The following SMIM18 variants were observed in gnomAD, a reference collection of about 807,000 sequenced individuals.
The protein encoded by SMIM18 is small integral membrane protein 18.
Under a neutral mutation model 5.9 loss-of-function variants are expected in SMIM18, and 4 were observed. The observed-to-expected ratio is 0.68, with a 90% CI of 0.33 to 1.56. The LOEUF (loss-of-function observed/expected upper bound fraction) is 1.56. Among genes scored for constraint, SMIM18 ranks in the 40% most tolerant of loss-of-function variants. SMIM18 has a pLI of 0.06. For missense variants in SMIM18, 89 were observed against 109.7 expected (o/e 0.81, Z 0.84); for synonymous variants, 37 against 37.4 (o/e 0.99, Z 0.04).
At chr8:30,639,635 T>C (rs1425554097) in intron 1 of SMIM18, among the ~76,000 whole-genome samples, 1 of 152,202 alleles carries the variant, frequency 6.6e-6, no homozygotes, top group Admixed American at 6.5e-5. Flanking sequence ...TCTAATTTTA[T>C]ACTATTCAAG....
In SMIM18 at chr8:30,644,587, C is replaced by G. The variant is rs990336503; in HGVS notation, c.-30+15C>G. ...GAACCAAAAAGGTAAGAAGAATCCA[C>G]AAGGCTAATGATAAAAGCTTTTCCA... On this transcript the variant is annotated intron_variant, in intron 2 of 2. Transcript: ENST00000517349. 6.6e-6 allele frequency: 1 copy of G among 152,134 alleles called. No homozygotes were observed. Among genetic ancestry groups the G allele is most frequent in the African/African-American group, 2.4e-5 (1 of 41,434 alleles). 9.4% of individuals were successfully genotyped at this position (152,134 alleles called of 1,614,324 possible). A position where few individuals can be genotyped will look rare whatever the true frequency, so the allele number is the denominator to read the frequency against.
chr8:30,640,815 CT>C (rs1385514880), intron 1 of SMIM18, among the ~76,000 whole-genome samples: 2 of 152,144 alleles, frequency 1.3e-5, no homozygotes, highest in Non-Finnish European at 2.9e-5. Flanking sequence ...TGAGATTCTC[CT>C]GCCTTGGCTT....
intron 1 of SMIM18, among the ~76,000 whole-genome samples, chr8:30,644,276 AT>A (rs916000651): frequency 1.3e-5 from 2 of 152,334 alleles, no homozygotes; most frequent in African/African-American, 2.4e-5. Context: ...CTTTTGTGAA[AT>A]GGAATAATAA....
chr8:30,644,451 T>C (rs1347987071), intron 1 of SMIM18, 41 bp from the exon 2 acceptor site: 1 of 152,206 alleles, frequency 6.6e-6, no homozygotes, highest in Non-Finnish European at 1.5e-5. Context: ...TTCTGAAAAT[T>C]GGCATTATTT....
Position 30,644,550 on chromosome 8 carries a change from C to T in SMIM18, c.-52C>T, listed in dbSNP as rs1003795609. 6 of 152,094 alleles carry T rather than the reference C, an allele frequency of 3.9e-5. No homozygotes were observed. The highest frequency in any genetic ancestry group is 5.9e-5 in the Non-Finnish European group (4 of 68,016). The allele number at this position is 152,094 out of a possible 1,614,324, so 9.4% of individuals were successfully genotyped here. A position where few individuals can be genotyped will look rare whatever the true frequency, so the allele number is the denominator to read the frequency against. On this transcript the variant is annotated 5_prime_UTR_variant, in exon 2 of 3. Transcript: ENST00000517349. Reference sequence around the variant, plus strand: ...AGTTTAAAGAAGGGGAAACAGGAGACAGAAATACACTGAACCAAAAAGGTA... The same window carrying T: ...AGTTTAAAGAAGGGGAAACAGGAGATAGAAATACACTGAACCAAAAAGGTA...
At chr8:30,641,663 C>T (rs1302721737) in intron 1 of SMIM18, among the ~76,000 whole-genome samples, 2 of 152,124 alleles carry the variant, frequency 1.3e-5, no homozygotes, top group Non-Finnish European at 2.9e-5. Context: ...GATTACCTGA[C>T]GTCAGGGGTT....
intron 2 of SMIM18, among the ~76,000 whole-genome samples, chr8:30,644,923 G>A (rs545955811): frequency 6.6e-6 from 1 of 151,576 alleles, no homozygotes; most frequent in Non-Finnish European, 1.5e-5. Flanking sequence ...GCTAATTTTT[G>A]TATGTTTTGT....
intron 1 of SMIM18, among the ~76,000 whole-genome samples, chr8:30,640,982 G>C (rs1249244215): frequency 1.3e-5 from 2 of 152,170 alleles, no homozygotes; most frequent in Non-Finnish European, 2.9e-5. Flanking sequence ...TAGGATTACA[G>C]GCCTAATGGT....
intron 1 of SMIM18, among the ~76,000 whole-genome samples, chr8:30,644,255 C>T (rs990284384): frequency 1.3e-5 from 2 of 152,168 alleles, no homozygotes; most frequent in African/African-American, 2.4e-5. Flanking sequence ...GAAACTTGAA[C>T]TCACCAGCTT....
intron 1 of SMIM18, among the ~76,000 whole-genome samples, chr8:30,642,312 G>T (rs1326829792): frequency 9.9e-6 from 1 of 100,664 alleles, no homozygotes; most frequent in Non-Finnish European, 2.1e-5. Flanking sequence ...AAAAAAAAAG[G>T]AAAGGAATAA....
intron 1 of SMIM18, among the ~76,000 whole-genome samples, chr8:30,640,297 A>G (rs1362924820): frequency 6.6e-6 from 1 of 152,230 alleles, no homozygotes; most frequent in Admixed American, 6.5e-5. Flanking sequence ...CAGCAAAAGC[A>G]TAACTTTATT....
intron 1 of SMIM18, among the ~76,000 whole-genome samples, chr8:30,641,774 G>A (rs1403305138): frequency 1.3e-5 from 2 of 152,176 alleles, no homozygotes; most frequent in African/African-American, 4.8e-5. Context: ...CTATTCGGGA[G>A]GCTGAGGCAG....
intron 1 of SMIM18, among the ~76,000 whole-genome samples, 153 bp downstream of exon 1, chr8:30,638,792 T>A (rs1317586085): frequency 1.3e-5 from 2 of 152,224 alleles, no homozygotes; most frequent in Non-Finnish European, 2.9e-5. Flanking sequence ...AGGATTTTAT[T>A]ATGAAAATAT....
At position 30,645,361 on chromosome 8, in the gene SMIM18, G is replaced by A; in HGVS notation, c.52G>A (p.Gly18Ser). ...CACTACCTCTGTTTATCAGTACCTT[G>A]GTTTTCAAGTTCAAAAAATTTACCC... ...ETTTSVYQYL[G>S]FQVQKIYPFH... Residue 18 changes from glycine (G) to serine (S), a missense_variant, in exon 3 of 3, where the codon GGT becomes AGT. By Grantham distance (56) the Gly-to-Ser change is moderately conservative (BLOSUM62 0). Transcript: ENST00000517349. 1 of 1,535,634 alleles carries A rather than the reference G, an allele frequency of 6.5e-7. No individual in the cohort carries two copies. Among genetic ancestry groups the A allele is most frequent in the Non-Finnish European group, 8.7e-7 (1 of 1,146,884 alleles).
At chr8:30,641,736 G>C (rs544269553) in intron 1 of SMIM18, among the ~76,000 whole-genome samples, 24 of 152,344 alleles carry the variant, frequency 1.6e-4, no homozygotes, top group South Asian at 1.2e-3. Flanking sequence ...AATTAGCTGG[G>C]TGTGACTGTA....
intron 1 of SMIM18, among the ~76,000 whole-genome samples, chr8:30,639,699 G>A (rs777663063): frequency 8.6e-5 from 13 of 151,548 alleles, no homozygotes; most frequent in Non-Finnish European, 1.6e-4. Flanking sequence ...ATACTATATC[G>A]GACCTAAAGA....
At chr8:30,642,692 C>T (rs948511523) in intron 1 of SMIM18, among the ~76,000 whole-genome samples, 8 of 152,328 alleles carry the variant, frequency 5.3e-5, no homozygotes, top group African/African-American at 1.9e-4. Context: ...TATACACTAT[C>T]CTACACCTTG....
intron 1 of SMIM18, among the ~76,000 whole-genome samples, chr8:30,643,001 G>C (rs1801905499): frequency 6.6e-6 from 1 of 152,176 alleles, no homozygotes; most frequent in African/African-American, 2.4e-5. Context: ...CCACGCTGGA[G>C]TGCAATGTGC....
chr8:30,644,213 T>A (rs1417007897), intron 1 of SMIM18, among the ~76,000 whole-genome samples: 1 of 152,174 alleles, frequency 6.6e-6, no homozygotes, highest in Non-Finnish European at 1.5e-5. Context: ...AAGTACCAGG[T>A]CAACAAGAGC....
Sources: gnomAD v4.1 joint callset for allele counts (sites outside exome capture counted in the v4.1 genomes callset) on GRCh38, gnomAD v4.1.1 for gene constraint, MANE v1.5 for transcripts, NCBI Gene and HGNC (gene_info 2026-07-23, HGNC 2026-07-21) for gene names.